IL12RB2: variants seen among roughly 807,000 people sequenced by gnomAD.
IL12RB2 encodes interleukin-12 receptor subunit beta-2.
A neutral mutation model predicts 89.4 loss-of-function variants in IL12RB2; 82 were observed. That is an observed-to-expected ratio of 0.92 (90% CI 0.77 to 1.10). The LOEUF (loss-of-function observed/expected upper bound fraction) is 1.10, where lower values mean the gene tolerates loss of function less well. Ranked by LOEUF, IL12RB2 falls within the 50% of genes least tolerant of loss-of-function variation. IL12RB2 has a pLI of 0.00. For synonymous variants in IL12RB2, 368 were observed against 370.1 expected (o/e 0.99, Z 0.07); for missense variants, 963 against 1,031.9 (o/e 0.93, Z 0.92).
intron 16 of IL12RB2, among the ~76,000 whole-genome samples, chr1:67,390,437 A>G (rs1413265031): frequency 6.6e-6 from 1 of 150,968 alleles, no homozygotes; most frequent in Non-Finnish European, 1.5e-5. Context: ...TTATTTCAAA[A>G]GAAGAAAGCA....
Position 67,320,938 on chromosome 1 carries a change from C to T in IL12RB2, c.76+494C>T, listed in dbSNP as rs577635033. 4.6e-4 allele frequency among the ~76,000 whole-genome samples: 69 copies of T among 150,496 alleles called. 1 individual carries two copies. In the East Asian group the frequency reaches 0.01, roughly 23 times the overall value. On this transcript the variant is annotated intron_variant, in intron 3 of 16. Transcript: ENST00000674203. ...GGTTCGTGATGCCCACCCCCACCCC[C>T]GTGTCCATGTGTTCTCATTGTTCAA...
At chr1:67,376,921 T>C (rs1164948318) in intron 13 of IL12RB2, among the ~76,000 whole-genome samples, 1 of 152,200 alleles carries the variant, frequency 6.6e-6, no homozygotes, top group Non-Finnish European at 1.5e-5. Flanking sequence ...GTGTTAGGAA[T>C]AGAGAAAGGG....
chr1:67,383,680 A>G (rs558788919), intron 14 of IL12RB2, among the ~76,000 whole-genome samples: 103 of 152,344 alleles, frequency 6.8e-4, no homozygotes, highest in Non-Finnish European at 1.3e-3. Context: ...CCAGTAGGGC[A>G]ATCATTAAAT....
Position 67,321,977 on chromosome 1 carries a change from TAC to T in IL12RB2, c.364+90_364+91del, listed in dbSNP as rs1236112051. On this transcript the variant is annotated intron_variant, in intron 4 of 16. Transcript: ENST00000674203. ...ATTTGGTGTTAAACAGAAACCCAAA[TAC>T]AGGTTAATGTTCTTTCTTTTCCCAC... 4 of 1,085,170 alleles carry T rather than the reference TAC, an allele frequency of 3.7e-6. No individual in the cohort carries two copies. The African/African-American group carries it at 6.2e-5, about 17-fold the overall frequency. 67.2% of individuals were successfully genotyped at this position (1,085,170 alleles called of 1,614,324 possible). A position where few individuals can be genotyped will look rare whatever the true frequency, so the allele number is the denominator to read the frequency against.
chr1:67,396,483 A>C lies in IL12RB2; in HGVS notation c.*394A>C. 2 of 352,090 alleles carry C rather than the reference A, an allele frequency of 5.7e-6. No individual in the cohort carries two copies. Among genetic ancestry groups the C allele is most frequent in the Non-Finnish European group, 1.1e-5 (2 of 181,338 alleles). The allele number at this position is 352,090 out of a possible 1,614,324, so 21.8% of individuals were successfully genotyped here. ...ATTTCTAAAGCACCTGCTACACAGC[A>C]GGCTGTACACAGCAGATCAGTACTG... On this transcript the variant is annotated 3_prime_UTR_variant, in exon 17 of 17. Transcript: ENST00000674203.
intron 16 of IL12RB2, among the ~76,000 whole-genome samples, chr1:67,394,187 CAGAG>C (rs1666123751): frequency 6.6e-6 from 1 of 152,072 alleles, no homozygotes; most frequent in Non-Finnish European, 1.5e-5. Flanking sequence ...AAGAGAAAGA[CAGAG>C]AGGTGGAGGA....
chr1:67,317,625 G>A (rs1219216326), intron 2 of IL12RB2, among the ~76,000 whole-genome samples: 3 of 152,198 alleles, frequency 2.0e-5, no homozygotes, highest in African/African-American at 7.2e-5. Context: ...TCTTTGCCAT[G>A]TAGGGTAACC....
chr1:67,326,968 T>C lies in IL12RB2; in HGVS notation c.479+119T>C, dbSNP rs112522088. 8.3e-5 allele frequency: 68 copies of C among 818,264 alleles called. No homozygotes were observed. The African/African-American group carries it at 1.1e-3, about 14-fold the overall frequency. The allele number at this position is 818,264 out of a possible 1,614,324, so 50.7% of individuals were successfully genotyped here. A position where few individuals can be genotyped will look rare whatever the true frequency, so the allele number is the denominator to read the frequency against. ...TTTTATTTATTTATTTATTTATTTA[T>C]TTATTTATTTTGAGACGGAATCTCA... On this transcript the variant is annotated intron_variant, in intron 5 of 16. Coordinates refer to ENST00000674203, the MANE Select transcript of IL12RB2 (RefSeq NM_001374259.2).
intron 8 of IL12RB2, among the ~76,000 whole-genome samples, chr1:67,338,107 T>C (rs1430935110): frequency 6.6e-6 from 1 of 151,568 alleles, no homozygotes; most frequent in African/African-American, 2.4e-5. Context: ...GGTGGGTGGA[T>C]CTCTTGAGCT....
At chr1:67,342,732 AT>A (rs1659783452) in intron 9 of IL12RB2, among the ~76,000 whole-genome samples, 1 of 149,964 alleles carries the variant, frequency 6.7e-6, no homozygotes, top group Middle Eastern at 3.2e-3. Context: ...TTCCTCAAAA[AT>A]ATCTTGTACT....
At chr1:67,310,660 G>A (rs1654927078) in intron 1 of IL12RB2, among the ~76,000 whole-genome samples, 1 of 152,160 alleles carries the variant, frequency 6.6e-6, no homozygotes, top group South Asian at 2.1e-4. Context: ...TATATACCAG[G>A]TACTCTGCTA....
rs892937498 is a variant in IL12RB2 at position 67,398,018 on chromosome 1, T to C, written c.*1929T>C. ...TGCTTCTTCAGGTTGGAACTCTTGA[T>C]ACATCCTTGTTTCCTGAAATTCCAA... On this transcript the variant is annotated 3_prime_UTR_variant, in exon 17 of 17. Transcript: ENST00000674203. Among the ~76,000 whole-genome samples the C allele has an allele frequency of 2.0e-5, 3 of 152,264 alleles. No individual in the cohort carries two copies. Among genetic ancestry groups the C allele is most frequent in the Non-Finnish European group, 1.5e-5 (1 of 68,038 alleles).
chr1:67,331,513 A>T (rs1658066420), intron 8 of IL12RB2, among the ~76,000 whole-genome samples: 1 of 152,226 alleles, frequency 6.6e-6, no homozygotes, highest in South Asian at 2.1e-4. Context: ...CTTTGGAGAC[A>T]CAAGAAATAG....
chr1:67,337,959 T>A lies in IL12RB2; in HGVS notation c.959-665T>A, dbSNP rs1489871497. 2.6e-5 allele frequency among the ~76,000 whole-genome samples: 4 copies of A among 152,084 alleles called. No homozygotes were observed. The East Asian group carries it at 7.7e-4, about 29-fold the overall frequency. On this transcript the variant is annotated intron_variant, in intron 8 of 16. Transcript: ENST00000674203. ...AAAAGAACCACATATACTTTATTTTTATTTTTTTGCTCTGTCTTATGGTGC... is the reference window on the plus strand; with the variant it reads ...AAAAGAACCACATATACTTTATTTTAATTTTTTTGCTCTGTCTTATGGTGC...
chr1:67,320,357 A>G lies in IL12RB2; in HGVS notation c.-12A>G. ...GGAAGAATACGGAGTTCTATACCAGAGTTGATTGTTGATGGCACATACTTT... is the reference window on the plus strand; with the variant it reads ...GGAAGAATACGGAGTTCTATACCAGGGTTGATTGTTGATGGCACATACTTT... On this transcript the variant is annotated 5_prime_UTR_variant, in exon 3 of 17. Transcript: ENST00000674203. 1 of 1,613,944 alleles carries G rather than the reference A, an allele frequency of 6.2e-7. No homozygotes were observed. Among genetic ancestry groups the G allele is most frequent in the East Asian group, 2.2e-5 (1 of 44,816 alleles).
intron 2 of IL12RB2, among the ~76,000 whole-genome samples, chr1:67,314,450 G>A (rs1175084676): frequency 2.0e-5 from 3 of 152,070 alleles, no homozygotes; most frequent in African/African-American, 4.8e-5. Flanking sequence ...TGCCTTAATC[G>A]TCACCGTAAC....
chr1:67,358,716 G>T (rs1661665513), intron 10 of IL12RB2, among the ~76,000 whole-genome samples: 1 of 152,138 alleles, frequency 6.6e-6, no homozygotes, highest in African/African-American at 2.4e-5. Context: ...AGCAAAACAA[G>T]AGGGAAAGAA....
At chr1:67,324,466 C>A (rs1558302180) in intron 4 of IL12RB2, among the ~76,000 whole-genome samples, 1 of 152,248 alleles carries the variant, frequency 6.6e-6, no homozygotes, top group East Asian at 1.9e-4. Flanking sequence ...AGTGATCCGC[C>A]CCCATCAGCC....
At chr1:67,316,607 G>A (rs564571751) in intron 2 of IL12RB2, among the ~76,000 whole-genome samples, 11 of 152,214 alleles carry the variant, frequency 7.2e-5, no homozygotes, top group Non-Finnish European at 1.2e-4. Flanking sequence ...GGCTCCTGAT[G>A]TCTTCTCTAA....
Sources: allele counts gnomAD v4.1 joint callset (sites outside exome capture counted in the v4.1 genomes callset), GRCh38; gene constraint gnomAD v4.1.1; transcripts MANE v1.5; gene names NCBI Gene and HGNC (gene_info 2026-07-23, HGNC 2026-07-21).